PREX1: variants seen among roughly 807,000 people sequenced by gnomAD.
The protein encoded by PREX1 is phosphatidylinositol-3,4,5-trisphosphate dependent Rac exchange factor 1.
In PREX1, 41 loss-of-function variants were observed where a neutral mutation model predicts 198.3. The ratio of observed to expected loss-of-function variants is 0.21; its 90% CI spans 0.16 to 0.27. The LOEUF (loss-of-function observed/expected upper bound fraction) is 0.27, where lower values mean the gene tolerates loss of function less well. Among genes scored for constraint, PREX1 ranks in the 10% least tolerant of loss-of-function variants. The pLI is 1.00. For synonymous variants in PREX1, 843 were observed against 887.2 expected (o/e 0.95, Z 0.89); for missense variants, 1,620 against 2,200.7 (o/e 0.74, Z 5.28).
At chr20:48,719,312 C>G (rs543559028) in intron 5 of PREX1, among the ~76,000 whole-genome samples, 13 of 152,186 alleles carry the variant, frequency 8.5e-5, no homozygotes, top group Non-Finnish European at 1.2e-4. Context: ...GACCCCCCCC[C>G]CAACTCCCCA....
At chr20:48,636,808 G>T in intron 31 of PREX1, 125 bp from the exon 32 acceptor site, 1 of 804,744 alleles carries the variant, frequency 1.2e-6, no homozygotes. Flanking sequence ...CATCAGGCCA[G>T]AAATTACTTT....
At position 48,738,311 on chromosome 20, in the gene PREX1, A is replaced by G. The variant is rs549515026; in HGVS notation, c.415-3661T>C. 5.9e-5 allele frequency among the ~76,000 whole-genome samples: 9 copies of G among 152,282 alleles called. No homozygotes were observed. The South Asian group carries it at 1.9e-3, about 32-fold the overall frequency. On this transcript the variant is annotated intron_variant, in intron 3 of 39. Coordinates refer to ENST00000371941, the MANE Select transcript of PREX1 (RefSeq NM_020820.4). Reference sequence around the variant, plus strand: ...GTAACAAGCTCACCACTGGTTTGTCATTCCTCATCCCCTGAGCCCCCTTCT... The same window carrying G: ...GTAACAAGCTCACCACTGGTTTGTCGTTCCTCATCCCCTGAGCCCCCTTCT...
At chr20:48,785,625 C>A (rs1568863425) in intron 1 of PREX1, among the ~76,000 whole-genome samples, 1 of 152,224 alleles carries the variant, frequency 6.6e-6, no homozygotes, top group Non-Finnish European at 1.5e-5. Flanking sequence ...TCCAGGGACA[C>A]CCCCTCTCAC....
intron 1 of PREX1, among the ~76,000 whole-genome samples, chr20:48,792,490 C>T (rs1362013541): frequency 6.6e-6 from 1 of 152,012 alleles, no homozygotes; most frequent in East Asian, 1.9e-4. Flanking sequence ...GGAGCTAACA[C>T]ACATCTAGCA....
chr20:48,828,502 C>T (rs1296704260), upstream of PREX1, among the ~76,000 whole-genome samples: 1 of 152,194 alleles, frequency 6.6e-6, no homozygotes, highest in African/African-American at 2.4e-5. Flanking sequence ...GCCTCCGCGG[C>T]CCCGGGAAGT....
intron 1 of PREX1, among the ~76,000 whole-genome samples, chr20:48,798,016 C>T (rs1030462359): frequency 1.3e-5 from 2 of 152,210 alleles, no homozygotes; most frequent in Admixed American, 1.3e-4. Flanking sequence ...CGACGCTGAG[C>T]TCATCTGTAA....
intron 19 of PREX1, 114 bp from the exon 20 acceptor site, chr20:48,653,611 TCCACCCCTC>T: frequency 7.5e-7 from 1 of 1,340,946 alleles, no homozygotes; most frequent in Non-Finnish European, 1.0e-6. Context: ...GGACTCCACC[TCCACCCCTC>T]CCACCCCAGA....
chr20:48,829,222 C>CT (rs1263317211), upstream of PREX1, among the ~76,000 whole-genome samples: 2 of 152,244 alleles, frequency 1.3e-5, no homozygotes, highest in East Asian at 3.8e-4. Flanking sequence ...GAACGGCCCT[C>CT]TAAGCCTGGC....
chr20:48,652,446 G>C (rs1489680064), intron 21 of PREX1, 140 bp downstream of exon 21: 3 of 1,239,716 alleles, frequency 2.4e-6, no homozygotes, highest in Non-Finnish European at 3.3e-6. Flanking sequence ...TCTCCAAAAA[G>C]GAAAAAAAAA....
the PREX1 span, among the ~76,000 whole-genome samples, chr20:48,869,878 C>G: frequency 6.6e-6 from 1 of 152,132 alleles, no homozygotes; most frequent in African/African-American, 2.4e-5. Flanking sequence ...AGCATTAGGA[C>G]AAACACCTAA....
intron 5 of PREX1, among the ~76,000 whole-genome samples, chr20:48,720,720 C>T (rs1281140457): frequency 6.6e-6 from 1 of 152,064 alleles, no homozygotes; most frequent in African/African-American, 2.4e-5. Context: ...CCCCCTTCAC[C>T]GAGAATTGAG....
At chr20:48,811,628 C>A (rs6095301) in intron 1 of PREX1, among the ~76,000 whole-genome samples, 18,136 of 127,352 alleles carry the variant, frequency 0.14, 1,423 homozygotes, top group African/African-American at 0.24. Flanking sequence ...ACACACCCCC[C>A]CACACACACA....
the PREX1 span, among the ~76,000 whole-genome samples, chr20:48,835,981 A>C: frequency 2.0e-5 from 3 of 152,228 alleles, no homozygotes; most frequent in Non-Finnish European, 4.4e-5. Context: ...AGATGGAGCC[A>C]GCAGGATTTG....
intron 1 of PREX1, among the ~76,000 whole-genome samples, chr20:48,819,903 G>A (rs886639009): frequency 3.9e-5 from 6 of 152,148 alleles, no homozygotes; most frequent in African/African-American, 9.7e-5. Flanking sequence ...CCCTGACCCC[G>A]GCCTCGCTCC....
At chr20:48,832,982 A>G (rs2090540349), upstream of PREX1, among the ~76,000 whole-genome samples, 1 of 152,224 alleles carries the variant, frequency 6.6e-6, no homozygotes. Context: ...ACATTGTTGT[A>G]GCACCAGAGA....
intron 1 of PREX1, among the ~76,000 whole-genome samples, chr20:48,818,864 C>A (rs2090470573): frequency 6.6e-6 from 1 of 152,224 alleles, no homozygotes; most frequent in South Asian, 2.1e-4. Flanking sequence ...GCCTTCACAG[C>A]TCATCCACAT....
At chr20:48,641,650 G>C (rs2122860156) in intron 29 of PREX1, among the ~76,000 whole-genome samples, 1 of 151,936 alleles carries the variant, frequency 6.6e-6, no homozygotes, top group Non-Finnish European at 1.5e-5. Flanking sequence ...AAATTAGCCA[G>C]GAGAAGTGGC....
chr20:48,700,627 G>T (rs1276358049), intron 7 of PREX1, 126 bp downstream of exon 7: 17 of 1,269,158 alleles, frequency 1.3e-5, no homozygotes, highest in Admixed American at 1.9e-5. Context: ...CTACTAGACA[G>T]CACTGATGTA....
At chr20:48,712,628 G>C (rs1017806685) in intron 5 of PREX1, among the ~76,000 whole-genome samples, 6 of 152,184 alleles carry the variant, frequency 3.9e-5, no homozygotes, top group African/African-American at 1.4e-4. Context: ...TCTTGCTCTA[G>C]GTCAGTGGTA....
Sources: gnomAD v4.1 joint callset for allele counts (sites outside exome capture counted in the v4.1 genomes callset) on GRCh38, gnomAD v4.1.1 for gene constraint, MANE v1.5 for transcripts, NCBI Gene and HGNC (gene_info 2026-07-23, HGNC 2026-07-21) for gene names.